Variants in CECR2 observed in about 807,000 individuals in gnomAD.
CECR2 encodes CECR2 histone acetyl-lysine reader.
Under a neutral mutation model 154.5 loss-of-function variants are expected in CECR2, and 30 were observed. The ratio of observed to expected loss-of-function variants is 0.19; its 90% CI spans 0.15 to 0.26. The LOEUF (loss-of-function observed/expected upper bound fraction) is 0.26. Ranked by LOEUF, CECR2 falls within the 10% of genes least tolerant of loss-of-function variation. The pLI is 1.00. For missense variants in CECR2, 1,743 were observed against 1,829.3 expected (o/e 0.95, Z 0.86); for synonymous variants, 725 against 683.7 (o/e 1.06, Z -0.94).
intron 1 of CECR2, among the ~76,000 whole-genome samples, chr22:17,473,890 T>G (rs2055167701): frequency 6.6e-6 from 1 of 152,238 alleles, no homozygotes; most frequent in Non-Finnish European, 1.5e-5. Context: ...AGCCAGCATT[T>G]TAACTGTTTG....
chr22:17,478,530 T>C (rs546250594), intron 2 of CECR2, among the ~76,000 whole-genome samples: 1 of 152,100 alleles, frequency 6.6e-6, no homozygotes, highest in East Asian at 1.9e-4. Context: ...TAATTTTTTG[T>C]ATTTTTAGTG....
chr22:17,545,047 G>T (rs1263987653), intron 16 of CECR2, among the ~76,000 whole-genome samples: 1 of 152,020 alleles, frequency 6.6e-6, no homozygotes, highest in East Asian at 1.9e-4. Flanking sequence ...ATGGCCAATA[G>T]TGAGATCTAG....
chr22:17,529,005 A>T (rs1043670114), intron 9 of CECR2, among the ~76,000 whole-genome samples: 4 of 151,956 alleles, frequency 2.6e-5, no homozygotes, highest in Admixed American at 1.3e-4. Context: ...CTGTGGCAGG[A>T]GGACCCCTTG....
At chr22:17,547,259 T>G (rs1179366640) in intron 16 of CECR2, among the ~76,000 whole-genome samples, 2 of 151,348 alleles carry the variant, frequency 1.3e-5, no homozygotes, top group African/African-American at 4.9e-5. Flanking sequence ...AGATGGAGTC[T>G]CACTCTGTCG....
In CECR2 at chr22:17,540,575, T is replaced by G. The variant is rs376460956; in HGVS notation, c.1659T>G (p.Val553=). Residue 553 remains valine (V), a synonymous_variant, in exon 14 of 19, where the codon GTT becomes GTG. Transcript: ENST00000262608. Reference sequence around the variant, plus strand: ...CTGGGCGAAGTGGTGGGAGCCATGTTTGGACCCGCTCCAGGGACCCAGAAG... The same window carrying G: ...CTGGGCGAAGTGGTGGGAGCCATGTGTGGACCCGCTCCAGGGACCCAGAAG... The part of the protein sequence containing the change: ...SRAGRSGGSH[V]WTRSRDPEGS... 10 of 1,612,810 alleles carry G rather than the reference T, an allele frequency of 6.2e-6. No individual in the cohort carries two copies. In the African/African-American group the frequency reaches 8.0e-5, roughly 13 times the overall value.
At chr22:17,462,677 A>G (rs2054960695) in intron 1 of CECR2, among the ~76,000 whole-genome samples, 1 of 152,134 alleles carries the variant, frequency 6.6e-6, no homozygotes, top group Admixed American at 6.5e-5. Context: ...GCACTTTGGG[A>G]GGCCGAGGCG....
At position 17,500,726 on chromosome 22, in the gene CECR2, TTCTGTTGAGGTAAGAAAA is replaced by T; in HGVS notation, c.645_650+12del. On this transcript the variant is annotated splice_donor_variant and splice_donor_5th_base_variant and coding_sequence_variant and intron_variant, in exon 5 of 19. Coordinates refer to ENST00000262608, the MANE Select transcript of CECR2 (RefSeq NM_001290047.2). LOFTEE classifies it high-confidence loss of function. ...AAACGGAAGAAACTGCAGGAGGAGATTCTGTTGAGGTAAGAAAATCTTGTTAGTTGTGGTCATAGACCA... is the reference window on the plus strand; with the variant it reads ...AAACGGAAGAAACTGCAGGAGGAGATTCTTGTTAGTTGTGGTCATAGACCA... The T allele has an allele frequency of 6.5e-7, 1 of 1,550,266 alleles. No individual in the cohort carries two copies. Among genetic ancestry groups the T allele is most frequent in the Non-Finnish European group, 8.7e-7 (1 of 1,146,652 alleles).
intron 1 of CECR2, among the ~76,000 whole-genome samples, chr22:17,439,343 A>C (rs1231118068): frequency 6.6e-6 from 1 of 152,176 alleles, no homozygotes; most frequent in Non-Finnish European, 1.5e-5. Context: ...CTTTATTTAT[A>C]CTAATGGGTG....
In CECR2 at chr22:17,378,298, T is replaced by G. The variant is rs200829861; in HGVS notation, c.126+8389T>G. 4.0e-5 allele frequency among the ~76,000 whole-genome samples: 6 copies of G among 150,802 alleles called. No homozygotes were observed. In the East Asian group the frequency reaches 1.2e-3, roughly 30 times the overall value. On this transcript the variant is annotated intron_variant, in intron 1 of 18. Transcript: ENST00000262608. ...GCGCTGGGCTGTTTTTTTGTTTTTTTGTTTTTTTGTTTTTGGGAGACGGAG... is the reference window on the plus strand; with the variant it reads ...GCGCTGGGCTGTTTTTTTGTTTTTTGGTTTTTTTGTTTTTGGGAGACGGAG...
At chr22:17,497,832 C>T (rs1275177634) in intron 3 of CECR2, among the ~76,000 whole-genome samples, 6 of 152,140 alleles carry the variant, frequency 3.9e-5, no homozygotes, top group Admixed American at 6.5e-5. Context: ...TCTTCCTTTA[C>T]GTGCACTGAG....
At chr22:17,431,769 T>TATTTTTTCACAG (rs112673220) in intron 1 of CECR2, among the ~76,000 whole-genome samples, 53,565 of 147,928 alleles carry the variant, frequency 0.36, 10,524 homozygotes, top group African/African-American at 0.53. Context: ...GTATCCCTCG[T>TATTTTTTCACAG]ATTTTTTTTT....
In CECR2 at chr22:17,548,982, C is replaced by T. The variant is rs199780601; in HGVS notation, c.3695C>T (p.Pro1232Leu). 1.1e-5 allele frequency: 17 copies of T among 1,613,884 alleles called. No homozygotes were observed. The highest frequency in any genetic ancestry group is 4.0e-5 in the African/African-American group (3 of 74,922). Residue 1232 changes from proline (P) to leucine (L), a missense_variant, in exon 17 of 19, where the codon CCA becomes CTA. Physicochemically the swap from Pro to Leu is moderately conservative, Grantham distance 98. Transcript: ENST00000262608. ...GGACCCCCAGCCAGTCAGCCTCCCC[C>T]ACCAAGGTCCCTCTTCTCAGATAAG... is the stretch of plus-strand genomic sequence containing the variant. ...PSGPPASQPPPPRSLFSDKNA... is the reference protein window; with the variant it reads ...PSGPPASQPPLPRSLFSDKNA...
At chr22:17,512,032 T>C in intron 8 of CECR2, 136 bp downstream of exon 8, 2 of 663,924 alleles carry the variant, frequency 3.0e-6, no homozygotes, top group Non-Finnish European at 5.2e-6. Flanking sequence ...AGCAATCTTA[T>C]GCTTAAGATA....
Position 17,542,551 on chromosome 22 carries a change from G to C in CECR2, c.2408G>C (p.Arg803Pro), listed in dbSNP as rs777090706. The C allele has an allele frequency of 6.2e-7, 1 of 1,613,868 alleles. No homozygotes were observed. The highest frequency in any genetic ancestry group is 8.5e-7 in the Non-Finnish European group (1 of 1,179,832). The change falls in exon 16 of 19, where the codon CGC becomes CCC. Residue 803 changes from arginine (R) to proline (P), a missense_variant. Physicochemically the swap from Arg to Pro is moderately radical, Grantham distance 103. Coordinates refer to ENST00000262608, the MANE Select transcript of CECR2 (RefSeq NM_001290047.2). The stretch of plus-strand genomic sequence containing the variant: ...GGGCCAGGACCCTCTCACCAGCCTC[G>C]CACTCTCGGTCACGTGATGGATTCC... Reference protein sequence around the residue: ...HLGPGPSHQPRTLGHVMDSRV... With the variant: ...HLGPGPSHQPPTLGHVMDSRV...
intron 1 of CECR2, among the ~76,000 whole-genome samples, chr22:17,442,306 A>G (rs758689940): frequency 3.3e-5 from 5 of 152,202 alleles, no homozygotes; most frequent in African/African-American, 9.6e-5. Flanking sequence ...GCTCACACCT[A>G]TAATCCCAGA....
rs1347666836 is a variant in CECR2, at chr22:17,499,511, G to A, written c.507G>A (p.Pro169=). 1.7e-5 allele frequency: 28 copies of A among 1,612,954 alleles called. No individual in the cohort carries two copies. Among genetic ancestry groups the A allele is most frequent in the South Asian group, 2.2e-5 (2 of 90,896 alleles). Residue 169 remains proline (P), a synonymous_variant, in exon 4 of 19, where the codon CCG becomes CCA. Transcript: ENST00000262608. ...FYGTRMYKED[P]VQGKSNGELS... ...GAACACGAATGTACAAAGAGGACCC[G>A]GTGCAAGGAAAATCCAATGGAGAAC...
chr22:17,432,510 T>TA (rs1167613068), intron 1 of CECR2, among the ~76,000 whole-genome samples: 1 of 152,250 alleles, frequency 6.6e-6, no homozygotes, highest in African/African-American at 2.4e-5. Context: ...TTCTGGGTCA[T>TA]ATGATTACTG....
intron 1 of CECR2, among the ~76,000 whole-genome samples, chr22:17,425,829 A>T (rs1033917086): frequency 6.6e-6 from 1 of 152,174 alleles, no homozygotes; most frequent in East Asian, 1.9e-4. Context: ...TGGTGGTGAG[A>T]ATAAAGAATA....
chr22:17,395,226 C>T (rs1271402655), intron 1 of CECR2, among the ~76,000 whole-genome samples: 2 of 149,872 alleles, frequency 1.3e-5, no homozygotes, highest in African/African-American at 2.5e-5. Context: ...CGAGGTCTCA[C>T]TCTATTTCCC....
Sources: allele counts gnomAD v4.1 joint callset (sites outside exome capture counted in the v4.1 genomes callset), GRCh38; gene constraint gnomAD v4.1.1; transcripts MANE v1.5; gene names NCBI Gene and HGNC (gene_info 2026-07-23, HGNC 2026-07-21).